Variants in GSG1L observed in about 807,000 individuals in gnomAD.
GSG1L encodes the protein germ cell-specific gene 1-like protein.
GSG1L carries 24 observed loss-of-function variants against 42.1 expected under a neutral mutation model. The ratio of observed to expected loss-of-function variants is 0.57; its 90% CI spans 0.41 to 0.80. The LOEUF is 0.80. Among genes scored for constraint, GSG1L ranks in the 30% least tolerant of loss-of-function variants. The pLI is 0.00. For missense variants in GSG1L, 445 were observed against 472.2 expected, an observed-to-expected ratio of 0.94 and a Z score of 0.53; for synonymous variants, 215 against 203.5, an observed-to-expected ratio of 1.06 and a Z score of -0.48.
intron 5 of GSG1L, among the ~76,000 whole-genome samples, chr16:27,817,242 G>A (rs1035374387): frequency 2.6e-5 from 4 of 152,196 alleles, no homozygotes; most frequent in African/African-American, 9.7e-5. Context: ...CTGTGGCAGG[G>A]GTGGGTGTCA....
intron 2 of GSG1L, among the ~76,000 whole-genome samples, chr16:27,936,342 A>T (rs1384604772): frequency 6.6e-6 from 1 of 152,238 alleles, no homozygotes; most frequent in East Asian, 1.9e-4. Flanking sequence ...GTCATGGGGG[A>T]GGACTCCTCA....
At chr16:27,842,069 TCGCGCG>T in intron 4 of GSG1L, among the ~76,000 whole-genome samples, 2 of 151,086 alleles carry the variant, frequency 1.3e-5, no homozygotes, top group African/African-American at 4.9e-5. Flanking sequence ...TAGCACGATG[TCGCGCG>T]TGCCGAATTT....
intron 1 of GSG1L, among the ~76,000 whole-genome samples, chr16:27,965,518 T>C (rs1361856630): frequency 2.6e-5 from 4 of 152,142 alleles, no homozygotes; most frequent in African/African-American, 4.8e-5. Context: ...AGAAGCTCAC[T>C]CCGGACTCTG....
chr16:27,993,947 A>G (rs983884885), intron 1 of GSG1L, among the ~76,000 whole-genome samples: 2 of 152,230 alleles, frequency 1.3e-5, no homozygotes, highest in Non-Finnish European at 1.5e-5. Flanking sequence ...GCCTTATGCA[A>G]ATGAGACACC....
rs528401302 is a variant in GSG1L, at chr16:27,826,417, G to A, written c.830+2372C>T. On this transcript the variant is annotated intron_variant, in intron 5 of 6. Transcript: ENST00000447459. ...GTCCTCGTCCTCTGCTGAGCCCTGA[G>A]GATGTGCAGTGATGCCTTCCTGCCA... Among the ~76,000 whole-genome samples the A allele has an allele frequency of 3.3e-5, 5 of 152,296 alleles. No homozygotes were observed. In the East Asian group the frequency reaches 9.6e-4, roughly 29 times the overall value.
At chr16:27,985,151 G>A (rs1282914287) in intron 1 of GSG1L, among the ~76,000 whole-genome samples, 3 of 152,098 alleles carry the variant, frequency 2.0e-5, no homozygotes, top group Admixed American at 1.3e-4. Context: ...AATCAATCTA[G>A]AGGAGACTTC....
intron 1 of GSG1L, among the ~76,000 whole-genome samples, 199 bp downstream of exon 1, chr16:28,062,877 G>A (rs116795265): frequency 2.6e-5 from 4 of 152,032 alleles, no homozygotes; most frequent in Non-Finnish European, 4.4e-5. Context: ...GGGGCGTCCC[G>A]CACGTCCCCC....
chr16:28,045,500 C>A (rs918835130), intron 1 of GSG1L, among the ~76,000 whole-genome samples: 3 of 151,926 alleles, frequency 2.0e-5, no homozygotes, highest in Non-Finnish European at 4.4e-5. Context: ...CATGGTGAAA[C>A]CCTGTCTCTA....
chr16:27,901,755 C>A (rs1413432799), intron 2 of GSG1L, among the ~76,000 whole-genome samples: 1 of 152,206 alleles, frequency 6.6e-6, no homozygotes. Flanking sequence ...TGGTGATGCC[C>A]CGTAGTGCTT....
chr16:28,039,663 A>G (rs1051191954), intron 1 of GSG1L, among the ~76,000 whole-genome samples: 7 of 151,856 alleles, frequency 4.6e-5, no homozygotes, highest in South Asian at 4.2e-4. Flanking sequence ...TCACACGCAC[A>G]TGCACACACG....
At chr16:28,019,318 T>C (rs2085813614) in intron 1 of GSG1L, among the ~76,000 whole-genome samples, 1 of 152,198 alleles carries the variant, frequency 6.6e-6, no homozygotes, top group Non-Finnish European at 1.5e-5. Flanking sequence ...CTGCTCATTA[T>C]ATGCTAATTA....
intron 1 of GSG1L, among the ~76,000 whole-genome samples, chr16:28,014,654 ATTTT>A (rs3033619): frequency 2.7e-4 from 20 of 73,452 alleles, no homozygotes; most frequent in South Asian, 6.1e-4. Context: ...CAGGCACGCT[ATTTT>A]TTTTTTTTTT....
chr16:27,997,802 T>C (rs1045111992), intron 1 of GSG1L, among the ~76,000 whole-genome samples: 1 of 151,114 alleles, frequency 6.6e-6, no homozygotes, highest in Non-Finnish European at 1.5e-5. Context: ...CCAAGCAGTG[T>C]CCATCATACC....
intron 3 of GSG1L, among the ~76,000 whole-genome samples, chr16:27,857,933 C>T (rs556786799): frequency 1.3e-5 from 2 of 152,228 alleles, no homozygotes; most frequent in African/African-American, 4.8e-5. Flanking sequence ...GACGGGTCTA[C>T]ACCTGCAGTG....
chr16:27,877,878 G>GCCCTGCT, intron 3 of GSG1L, among the ~76,000 whole-genome samples: 1 of 152,164 alleles, frequency 6.6e-6, no homozygotes, highest in East Asian at 1.9e-4. Flanking sequence ...TGGGTGCAAA[G>GCCCTGCT]CCCTGCTCAG....
chr16:27,986,488 C>T (rs914506547), intron 1 of GSG1L, among the ~76,000 whole-genome samples: 3 of 134,128 alleles, frequency 2.2e-5, no homozygotes, highest in Non-Finnish European at 3.1e-5. Context: ...CCTGAGCGAC[C>T]GAGCGAGACT....
At chr16:28,055,262 C>T (rs2086266916) in intron 1 of GSG1L, among the ~76,000 whole-genome samples, 1 of 152,056 alleles carries the variant, frequency 6.6e-6, no homozygotes, top group Non-Finnish European at 1.5e-5. Flanking sequence ...CTCAAGCGAT[C>T]CTCCCACCTC....
chr16:27,885,779 G>A (rs2084020325), intron 2 of GSG1L, among the ~76,000 whole-genome samples: 1 of 152,196 alleles, frequency 6.6e-6, no homozygotes, highest in Non-Finnish European at 1.5e-5. Context: ...TGAGCACCTG[G>A]TTCCAGCTGT....
At chr16:28,015,715 C>T (rs2085773052) in intron 1 of GSG1L, among the ~76,000 whole-genome samples, 1 of 152,174 alleles carries the variant, frequency 6.6e-6, no homozygotes, top group Admixed American at 6.5e-5. Context: ...TTCTCCAGCA[C>T]ATTAATATTT....
Sources: gnomAD v4.1 joint callset for allele counts (sites outside exome capture counted in the v4.1 genomes callset) on GRCh38, gnomAD v4.1.1 for gene constraint, MANE v1.5 for transcripts, NCBI Gene and HGNC (gene_info 2026-07-23, HGNC 2026-07-21) for gene names.